Variants in GFOD1 observed in about 807,000 individuals in gnomAD.
GFOD1 encodes Gfo/Idh/MocA-like oxidoreductase domain containing 1, also known as glucose-fructose oxidoreductase domain-containing protein 1.
A neutral mutation model predicts 25.4 loss-of-function variants in GFOD1; 9 were observed. The ratio of observed to expected loss-of-function variants is 0.35; its 90% CI spans 0.21 to 0.62. The LOEUF (loss-of-function observed/expected upper bound fraction) is 0.62. Ranked by LOEUF, GFOD1 falls within the 20% of genes least tolerant of loss-of-function variation. GFOD1 has a pLI of 0.72. For missense variants in GFOD1, 403 were observed against 556.9 expected, an observed-to-expected ratio of 0.72 and a Z score of 2.78; for synonymous variants, 253 against 245.6, an observed-to-expected ratio of 1.03 and a Z score of -0.28.
In GFOD1 at chr6:13,403,287, G is replaced by A. The variant is rs184396464; in HGVS notation, c.254-37625C>T. 1.9e-3 allele frequency among the ~76,000 whole-genome samples: 291 copies of A among 152,064 alleles called. 2 individuals carry two copies. The Middle Eastern group carries it at 0.031, about 16-fold the overall frequency. ...ATTACAGGCATGCACCACCATGCCCGGCTAATTTTTGTATTTTTAGTAGAG... is the reference window on the plus strand; with the variant it reads ...ATTACAGGCATGCACCACCATGCCCAGCTAATTTTTGTATTTTTAGTAGAG... On this transcript the variant is annotated intron_variant, in intron 1 of 1. Coordinates refer to ENST00000379287, the MANE Select transcript of GFOD1 (RefSeq NM_018988.4).
intron 1 of GFOD1, among the ~76,000 whole-genome samples, chr6:13,444,378 G>A (rs1280790166): frequency 6.7e-6 from 1 of 150,374 alleles, no homozygotes; most frequent in Admixed American, 6.6e-5. Context: ...GGTGGGAGGA[G>A]GGAGAGAAGC....
chr6:13,382,819 C>G (rs920657603), intron 1 of GFOD1, among the ~76,000 whole-genome samples: 2 of 152,262 alleles, frequency 1.3e-5, no homozygotes, highest in African/African-American at 2.4e-5. Flanking sequence ...TCTCCCTCCC[C>G]CAACCCTACT....
intron 1 of GFOD1, among the ~76,000 whole-genome samples, chr6:13,380,332 C>G (rs1016238192): frequency 6.6e-6 from 1 of 152,166 alleles, no homozygotes; most frequent in East Asian, 1.9e-4. Context: ...AAGGAATAGG[C>G]CTACTGCAAG....
At chr6:13,470,063 G>C (rs1290009120) in intron 1 of GFOD1, 4 of 1,384,048 alleles carry the variant, frequency 2.9e-6, no homozygotes, top group Non-Finnish European at 3.9e-6. Flanking sequence ...TAGCCACTCA[G>C]TAAATGGGTG....
rs182555001 is a variant in GFOD1, at chr6:13,359,380, C to G, written c.*5363G>C. The stretch of plus-strand genomic sequence containing the variant: ...CCTCTGCTCTGTAAACTCCAAGGCT[C>G]TGATGGCCAAAAACGTAGGCGGTGG... On this transcript the variant is annotated 3_prime_UTR_variant, in exon 2 of 2. Transcript: ENST00000379287. The G allele has an allele frequency of 6.6e-6, 1 of 152,322 alleles. No homozygotes were observed. Among genetic ancestry groups the G allele is most frequent in the East Asian group, 1.9e-4 (1 of 5,170 alleles). The allele number at this position is 152,322 out of a possible 1,614,324, so 9.4% of individuals were successfully genotyped here.
intron 1 of GFOD1, among the ~76,000 whole-genome samples, chr6:13,371,225 C>T (rs148673744): frequency 5.3e-5 from 8 of 152,290 alleles, no homozygotes; most frequent in Non-Finnish European, 1.2e-4. Flanking sequence ...ACAGCCATGG[C>T]TAATTTCCTA....
At chr6:13,469,150 G>T in intron 1 of GFOD1, 2 of 700,062 alleles carry the variant, frequency 2.9e-6, no homozygotes, top group Non-Finnish European at 3.5e-6. Context: ...TCCTATTATG[G>T]CCCTCCAGAA....
chr6:13,373,741 A>ACC (rs1554199339), intron 1 of GFOD1, among the ~76,000 whole-genome samples: 1 of 129,596 alleles, frequency 7.7e-6, no homozygotes, highest in Admixed American at 7.8e-5. Context: ...CTGCTCCCCC[A>ACC]ACACACACAC....
chr6:13,472,845 T>C (rs756188630), intron 1 of GFOD1, among the ~76,000 whole-genome samples: 1 of 152,260 alleles, frequency 6.6e-6, no homozygotes, highest in Non-Finnish European at 1.5e-5. Context: ...CTAGCCAGCG[T>C]AGTAACTTTG....
At position 13,365,799 on chromosome 6, in the gene GFOD1, C is replaced by T. The variant is rs1381683700; in HGVS notation, c.254-137G>A. The T allele has an allele frequency of 8.3e-6, 6 of 724,648 alleles. No individual in the cohort carries two copies. The East Asian group carries it at 1.4e-4, about 17-fold the overall frequency. 44.9% of individuals were successfully genotyped at this position (724,648 alleles called of 1,614,324 possible). On this transcript the variant is annotated intron_variant, in intron 1 of 1. Coordinates refer to ENST00000379287, the MANE Select transcript of GFOD1 (RefSeq NM_018988.4). The surrounding 1 kb of genome is among the most constrained non-coding windows in gnomAD (Gnocchi z 9.2). ...GTGGCTCATGCCTGTTGTCCCAGCA[C>T]TTTGGGAGGCCAAGGCCGGAGGAGG... is the stretch of plus-strand genomic sequence containing the variant.
intron 1 of GFOD1, among the ~76,000 whole-genome samples, chr6:13,377,016 ATG>A (rs1042707428): frequency 1.6e-4 from 24 of 148,206 alleles, no homozygotes; most frequent in African/African-American, 6.3e-4. Flanking sequence ...CCCAGCAGAT[ATG>A]TTTTTTTTTT....
rs775288008 is a variant in GFOD1 at position 13,368,019 on chromosome 6, CG to C, written c.254-2358del. Reference sequence around the variant, plus strand: ...ACAGACACTCAATTGACAAAATCCACGAACACTTACAACGTGCTGAGCTAAG... The same window carrying C: ...ACAGACACTCAATTGACAAAATCCACAACACTTACAACGTGCTGAGCTAAG... On this transcript the variant is annotated intron_variant, in intron 1 of 1. Transcript: ENST00000379287. Among the ~76,000 whole-genome samples the C allele has an allele frequency of 3.3e-5, 5 of 152,282 alleles. No individual in the cohort carries two copies. In the East Asian group the frequency reaches 7.7e-4, roughly 24 times the overall value.
At chr6:13,409,888 A>ACT (rs1334660326) in intron 1 of GFOD1, among the ~76,000 whole-genome samples, 1 of 147,248 alleles carries the variant, frequency 6.8e-6, no homozygotes, top group Admixed American at 6.9e-5. Context: ...GTGCCACTGC[A>ACT]CTCTAGCCTG....
chr6:13,403,244 G>C (rs528740318), intron 1 of GFOD1, among the ~76,000 whole-genome samples: 11 of 152,152 alleles, frequency 7.2e-5, no homozygotes, highest in Non-Finnish European at 1.2e-4. Context: ...TCCCGCCTCA[G>C]CCTCCTGAGT....
At chr6:13,445,041 A>G (rs564804484) in intron 1 of GFOD1, among the ~76,000 whole-genome samples, 10 of 152,364 alleles carry the variant, frequency 6.6e-5, no homozygotes, top group African/African-American at 2.4e-4. Flanking sequence ...TACAAATACC[A>G]GTCTGGCAAT....
At position 13,430,248 on chromosome 6, in the gene GFOD1, C is replaced by G. The variant is rs1029268557; in HGVS notation, c.253+56390G>C. Among the ~76,000 whole-genome samples, 4 of 152,058 alleles carry G rather than the reference C, an allele frequency of 2.6e-5. No individual in the cohort carries two copies. Among genetic ancestry groups the G allele is most frequent in the African/African-American group, 9.7e-5 (4 of 41,400 alleles). On this transcript the variant is annotated intron_variant, in intron 1 of 1. Transcript: ENST00000379287. This position sits in a 1 kb window ranked among gnomAD's most constrained non-coding sequence, Gnocchi z 4.1. ...GGCCAGGAGTTCGAGACCAGCCTGG[C>G]CAATGTGGCGAAACCCCCTCTCTAC... is the stretch of plus-strand genomic sequence containing the variant.
In GFOD1 at chr6:13,365,395, T is replaced by G; in HGVS notation, c.521A>C (p.His174Pro). The stretch of plus-strand genomic sequence containing the variant: ...GTCGATGATGTAGGTGCCCACGGAG[T>G]GCAGGCCGCCGCCGCCCATCAAGTC... ...CDDLMGGGGL[H>P]SVGTYIIDLL... The change falls in exon 2 of 2, where the codon CAC becomes CCC. Residue 174 changes from histidine (H) to proline (P), a missense_variant. Transcript: ENST00000379287. The surrounding 1 kb of genome is among the most constrained non-coding windows in gnomAD (Gnocchi z 9.2). 6.2e-7 allele frequency: 1 copy of G among 1,613,890 alleles called. No homozygotes were observed. The highest frequency in any genetic ancestry group is 1.1e-5 in the South Asian group (1 of 91,078).
intron 1 of GFOD1, among the ~76,000 whole-genome samples, chr6:13,474,813 A>G (rs1448946929): frequency 6.6e-6 from 1 of 152,250 alleles, no homozygotes; most frequent in Non-Finnish European, 1.5e-5. Flanking sequence ...TGCCCCTGGC[A>G]GAGGGTTCAG....
intron 1 of GFOD1, among the ~76,000 whole-genome samples, chr6:13,422,332 G>T (rs6934350): frequency 0.03 from 4,619 of 152,230 alleles, 248 homozygotes; most frequent in African/African-American, 0.11. Context: ...ATCTGACTCT[G>T]CAAATGCAGA....
Sources: gnomAD v4.1 joint callset for allele counts (sites outside exome capture counted in the v4.1 genomes callset) on GRCh38, gnomAD v4.1.1 for gene constraint, Gnocchi (gnomAD v3.1) non-coding constraint, MANE v1.5 for transcripts, NCBI Gene and HGNC (gene_info 2026-07-23, HGNC 2026-07-21) for gene names.